CDC42BPA: variants seen among roughly 807,000 people sequenced by gnomAD.
The protein encoded by CDC42BPA is CDC42 binding protein kinase alpha.
Under a neutral mutation model 223.5 loss-of-function variants are expected in CDC42BPA, and 80 were observed. The ratio of observed to expected loss-of-function variants is 0.36; its 90% CI spans 0.30 to 0.43. The LOEUF is 0.43. Among genes scored for constraint, CDC42BPA ranks in the 20% least tolerant of loss-of-function variants. The probability of loss-of-function intolerance (pLI) is 1.00; values close to 1 mark genes in which losing one functional copy is unlikely to be tolerated. For synonymous variants in CDC42BPA, 694 were observed against 718.6 expected (o/e 0.97, Z 0.55); for missense variants, 1,743 against 2,099.9 (o/e 0.83, Z 3.32).
In CDC42BPA at chr1:227,186,900, C is replaced by A. The variant is rs555281806; in HGVS notation, c.599+6886G>T. On this transcript the variant is annotated intron_variant, in intron 5 of 36. Coordinates refer to ENST00000366766, the MANE Select transcript of CDC42BPA (RefSeq NM_001394014.1). ...CTTCTCGTTCCTGGAGTTTGTGATA[C>A]AAAGAACGAATGTATAGCTAACCAA... 1.0e-3 allele frequency among the ~76,000 whole-genome samples: 154 copies of A among 152,272 alleles called. 1 individual carries two copies. The highest frequency in any genetic ancestry group is 3.7e-3 in the African/African-American group (152 of 41,552).
chr1:227,256,071 CA>C (rs1270621216), intron 1 of CDC42BPA, among the ~76,000 whole-genome samples: 2 of 152,038 alleles, frequency 1.3e-5, no homozygotes, highest in Non-Finnish European at 2.9e-5. Flanking sequence ...AAGTCAACAA[CA>C]AAAAACCCCA....
Position 227,284,463 on chromosome 1 carries a change from G to A in CDC42BPA, c.179-30308C>T, listed in dbSNP as rs554834477. On this transcript the variant is annotated intron_variant, in intron 1 of 36. Transcript: ENST00000366766. Reference sequence around the variant, plus strand: ...CCGTAAGCTTTAAATCTGAGGCCCAGCAGGTGATTATCAAGTATTCTACCC... The same window carrying A: ...CCGTAAGCTTTAAATCTGAGGCCCAACAGGTGATTATCAAGTATTCTACCC... 7.4e-4 allele frequency among the ~76,000 whole-genome samples: 112 copies of A among 152,236 alleles called. 1 individual carries two copies. In the Middle Eastern group the frequency reaches 0.014, roughly 18 times the overall value.
At position 227,072,289 on chromosome 1, in the gene CDC42BPA, C is replaced by A; in HGVS notation, c.2746G>T (p.Asp916Tyr). 1 of 1,590,000 alleles carries A rather than the reference C, an allele frequency of 6.3e-7. No individual in the cohort carries two copies. The highest frequency in any genetic ancestry group is 8.6e-7 in the Non-Finnish European group (1 of 1,160,092). ...SNIITECKLK[D>Y]SEKKNLELLS... ...AGTTCCAAGTTCTTCTTCTCTGAAT[C>A]TTTTAGTTTACTTAAATAAGGAGAA... is the stretch of plus-strand genomic sequence containing the variant. Residue 916 changes from aspartate to tyrosine, a missense_variant, in exon 20 of 37, where the codon GAT becomes TAT. Physicochemically the swap from Asp to Tyr is radical, Grantham distance 160 (BLOSUM62 -3). Transcript: ENST00000366766.
At chr1:227,310,023 C>G (rs574679214) in intron 1 of CDC42BPA, among the ~76,000 whole-genome samples, 13 of 152,310 alleles carry the variant, frequency 8.5e-5, no homozygotes, top group African/African-American at 3.1e-4. Flanking sequence ...CTCTCCAATC[C>G]ACACGATATC....
At chr1:227,243,756 TCACACACACACACACA>T (rs5781477) in intron 2 of CDC42BPA, among the ~76,000 whole-genome samples, 4,446 of 146,646 alleles carry the variant, frequency 0.03, 194 homozygotes, top group African/African-American at 0.1. Context: ...AAAAGATTTG[TCACACACACACACACA>T]CACACACACA....
chr1:227,013,829 A>C (rs1389239219), intron 34 of CDC42BPA, among the ~76,000 whole-genome samples: 1 of 152,106 alleles, frequency 6.6e-6, no homozygotes, highest in Non-Finnish European at 1.5e-5. Flanking sequence ...ACATATTTGA[A>C]ATTTGTATCC....
intron 3 of CDC42BPA, among the ~76,000 whole-genome samples, chr1:227,200,163 G>C (rs558356769): frequency 1.3e-5 from 2 of 152,210 alleles, no homozygotes; most frequent in African/African-American, 4.8e-5. Context: ...GGGCGCAGTG[G>C]CTCACGCCTA....
intron 23 of CDC42BPA, 40 bp downstream of exon 23, chr1:227,047,887 T>G (rs1231230445): frequency 4.8e-6 from 6 of 1,254,870 alleles, no homozygotes; most frequent in Non-Finnish European, 6.9e-6. Flanking sequence ...TAAAATTCAT[T>G]TTTTTTGGAA....
At chr1:227,164,880 T>G (rs1269091646) in intron 5 of CDC42BPA, among the ~76,000 whole-genome samples, 2 of 152,236 alleles carry the variant, frequency 1.3e-5, no homozygotes, top group East Asian at 3.8e-4. Context: ...ATAGTCTTCT[T>G]GTATAAATAA....
At chr1:227,288,284 AG>A (rs1689118572) in intron 1 of CDC42BPA, among the ~76,000 whole-genome samples, 1 of 152,194 alleles carries the variant, frequency 6.6e-6, no homozygotes, top group African/African-American at 2.4e-5. Context: ...CAGAGGTGGG[AG>A]GATCACTTGA....
At chr1:227,164,267 C>T (rs1227903257) in intron 5 of CDC42BPA, among the ~76,000 whole-genome samples, 1 of 152,082 alleles carries the variant, frequency 6.6e-6, no homozygotes, top group Non-Finnish European at 1.5e-5. Context: ...CATTACTCTT[C>T]TAGATCAATG....
At chr1:227,285,854 GA>G (rs5781479) in intron 1 of CDC42BPA, among the ~76,000 whole-genome samples, 63,495 of 150,808 alleles carry the variant, frequency 0.42, 13,447 homozygotes, top group South Asian at 0.45. Context: ...TATAGGTAAA[GA>G]AAAAAAAAAT....
chr1:227,115,280 A>G (rs1395672139), intron 12 of CDC42BPA, among the ~76,000 whole-genome samples: 1 of 152,098 alleles, frequency 6.6e-6, no homozygotes, highest in Non-Finnish European at 1.5e-5. Flanking sequence ...ATACTGGATT[A>G]AGAAATGAAA....
intron 34 of CDC42BPA, among the ~76,000 whole-genome samples, chr1:227,006,949 TCAACAACAA>T (rs58305329): frequency 6.4e-4 from 95 of 148,134 alleles, no homozygotes; most frequent in East Asian, 1.8e-3. Flanking sequence ...AGACTCCGTC[TCAACAACAA>T]CAACAACAAC....
chr1:227,096,859 T>TG (rs1684096853), intron 15 of CDC42BPA, among the ~76,000 whole-genome samples: 1 of 152,200 alleles, frequency 6.6e-6, no homozygotes, highest in Non-Finnish European at 1.5e-5. Flanking sequence ...AATCTACACT[T>TG]GAAGCTTTTG....
chr1:227,041,229 G>A (rs1010802596), intron 23 of CDC42BPA, among the ~76,000 whole-genome samples: 3 of 152,068 alleles, frequency 2.0e-5, no homozygotes, highest in Non-Finnish European at 4.4e-5. Flanking sequence ...CTGAAGTTTA[G>A]GGCATGACCG....
At chr1:227,084,489 C>T (rs1369077942) in intron 16 of CDC42BPA, among the ~76,000 whole-genome samples, 2 of 148,238 alleles carry the variant, frequency 1.3e-5, no homozygotes, top group Non-Finnish European at 3.0e-5. Context: ...GATAGTGCCA[C>T]TGCACTCCAG....
intron 15 of CDC42BPA, among the ~76,000 whole-genome samples, chr1:227,099,914 T>C (rs935618413): frequency 1.3e-5 from 2 of 152,284 alleles, no homozygotes; most frequent in South Asian, 2.1e-4. Flanking sequence ...GTTTTACTTA[T>C]AGAAAGTTCT....
chr1:227,054,380 T>C (rs1321535365), intron 21 of CDC42BPA, among the ~76,000 whole-genome samples: 1 of 152,226 alleles, frequency 6.6e-6, no homozygotes, highest in Non-Finnish European at 1.5e-5. Flanking sequence ...AAGTTGGGCA[T>C]ACTGTCTTCT....
Sources: allele counts gnomAD v4.1 joint callset (sites outside exome capture counted in the v4.1 genomes callset), GRCh38; gene constraint gnomAD v4.1.1; transcripts MANE v1.5; gene names NCBI Gene and HGNC (gene_info 2026-07-23, HGNC 2026-07-21).